The following AGFG1 variants were observed in gnomAD, a reference collection of about 807,000 sequenced individuals.
AGFG1 encodes ArfGAP with FG repeats 1, also known as arf-GAP domain and FG repeat-containing protein 1.
In AGFG1, 10 loss-of-function variants were observed where a neutral mutation model predicts 60.6. That is an observed-to-expected ratio of 0.16 (90% CI 0.10 to 0.28). The LOEUF is 0.28. AGFG1 is among the 10% of genes least tolerant of loss of function. The pLI is 1.00. For missense variants in AGFG1, 537 were observed against 676.5 expected (o/e 0.79, Z 2.29); for synonymous variants, 247 against 242.9 (o/e 1.02, Z -0.16).
rs1362619412 is a variant in AGFG1 at position 227,554,362 on chromosome 2, C to A, written c.1630-74C>A. The A allele has an allele frequency of 1.9e-5, 23 of 1,225,490 alleles. No individual in the cohort carries two copies. The Admixed American group carries it at 3.2e-4, about 17-fold the overall frequency. The allele number at this position is 1,225,490 out of a possible 1,614,324, so 75.9% of individuals were successfully genotyped here. A position where few individuals can be genotyped will look rare whatever the true frequency, so the allele number is the denominator to read the frequency against. ...AAAGTCTAATTAAAAAAATTAAATTCAGTTTAATGTTTTTATATTTTGTAC... is the reference window on the plus strand; with the variant it reads ...AAAGTCTAATTAAAAAAATTAAATTAAGTTTAATGTTTTTATATTTTGTAC... On this transcript the variant is annotated intron_variant, in intron 12 of 12. Transcript: ENST00000310078.
chr2:227,480,189 TAGAC>T (rs972863625), intron 1 of AGFG1, among the ~76,000 whole-genome samples: 42 of 152,180 alleles, frequency 2.8e-4, no homozygotes, highest in Non-Finnish European at 1.5e-5. Flanking sequence ...AAGAAAAGAT[TAGAC>T]AGTGGGGGAG....
Position 227,556,568 on chromosome 2 carries a change from T to G in AGFG1, c.*2073T>G, listed in dbSNP as rs188803132. ...TAGATTGTATCGGGTCCCAGTTGAT[T>G]CATGTGTACAAAGTTATGCTACCTA... On this transcript the variant is annotated 3_prime_UTR_variant, in exon 13 of 13. Transcript: ENST00000310078. 2 of 152,750 alleles carry G rather than the reference T, an allele frequency of 1.3e-5. No homozygotes were observed. Among genetic ancestry groups the G allele is most frequent in the Admixed American group, 6.5e-5 (1 of 15,308 alleles). The allele number at this position is 152,750 out of a possible 1,614,324, so 9.5% of individuals were successfully genotyped here.
chr2:227,543,804 G>A (rs1344341323), intron 10 of AGFG1, among the ~76,000 whole-genome samples: 2 of 151,590 alleles, frequency 1.3e-5, no homozygotes, highest in African/African-American at 4.9e-5. Context: ...CTCTTTGTAG[G>A]TCTCTAAGGA....
intron 1 of AGFG1, among the ~76,000 whole-genome samples, chr2:227,474,020 A>G (rs1690206753): frequency 6.6e-6 from 1 of 152,310 alleles, no homozygotes; most frequent in African/African-American, 2.4e-5. Context: ...GTTTGATAGG[A>G]GAGTGCTCAT....
intron 2 of AGFG1, among the ~76,000 whole-genome samples, chr2:227,495,060 A>G (rs1385474786): frequency 1.3e-5 from 2 of 152,210 alleles, no homozygotes; most frequent in Non-Finnish European, 2.9e-5. Flanking sequence ...ATAGACTTCT[A>G]CAGTGTGTTT....
intron 1 of AGFG1, among the ~76,000 whole-genome samples, chr2:227,478,885 C>CT (rs1163420165): frequency 1.3e-5 from 2 of 152,132 alleles, no homozygotes; most frequent in Admixed American, 6.5e-5. Flanking sequence ...ATCCTAGTGA[C>CT]TTGTTTTAGT....
rs1691764077 is a variant in AGFG1, at chr2:227,519,453, T to C, written c.262-495T>C. ...ATCTCAGATTCTCATTTTTTAGCTA[T>C]TGGACCAAAAATGCATAGGAGACAG... On this transcript the variant is annotated intron_variant, in intron 2 of 12. Coordinates refer to ENST00000310078, the MANE Select transcript of AGFG1 (RefSeq NM_004504.5). Among the ~76,000 whole-genome samples, 4 of 152,204 alleles carry C rather than the reference T, an allele frequency of 2.6e-5. No individual in the cohort carries two copies. In the South Asian group the frequency reaches 8.3e-4, roughly 32 times the overall value.
intron 3 of AGFG1, among the ~76,000 whole-genome samples, chr2:227,520,936 G>C (rs918663815): frequency 1.5e-4 from 23 of 152,178 alleles, no homozygotes; most frequent in Admixed American, 1.3e-4. Context: ...TTCAGAGCCT[G>C]TTTTGGTCCT....
At chr2:227,547,182 A>G (rs1345208371) in intron 10 of AGFG1, among the ~76,000 whole-genome samples, 1 of 152,232 alleles carries the variant, frequency 6.6e-6, no homozygotes, top group Non-Finnish European at 1.5e-5. Context: ...TAGTAGGCTC[A>G]CTTCACTTGC....
At chr2:227,494,758 T>C (rs1209867317) in intron 2 of AGFG1, among the ~76,000 whole-genome samples, 1 of 152,238 alleles carries the variant, frequency 6.6e-6, no homozygotes, top group Non-Finnish European at 1.5e-5. Flanking sequence ...TCTGTCTTAA[T>C]ACTTGCATTG....
intron 3 of AGFG1, 88 bp from the exon 4 acceptor site, chr2:227,523,675 C>G: frequency 7.7e-7 from 1 of 1,290,942 alleles, no homozygotes; most frequent in Non-Finnish European, 1.1e-6. Flanking sequence ...GTGAAACAAT[C>G]TTGTACAAAG....
chr2:227,478,307 T>A (rs1245484567), intron 1 of AGFG1, among the ~76,000 whole-genome samples: 2 of 150,722 alleles, frequency 1.3e-5, no homozygotes, highest in Non-Finnish European at 3.0e-5. Flanking sequence ...ATATATAATA[T>A]ATATATTTAG....
chr2:227,477,658 T>C (rs1690325665), intron 1 of AGFG1, among the ~76,000 whole-genome samples: 1 of 152,126 alleles, frequency 6.6e-6, no homozygotes, highest in Non-Finnish European at 1.5e-5. Flanking sequence ...CAGGCTGGAG[T>C]GCAGTGGTGC....
At chr2:227,529,863 A>AG (rs2106216259) in intron 5 of AGFG1, among the ~76,000 whole-genome samples, 1 of 152,020 alleles carries the variant, frequency 6.6e-6, no homozygotes, top group South Asian at 2.1e-4. Context: ...ATAGGGGTTT[A>AG]GGATACTAGA....
At chr2:227,522,423 T>A (rs942751621) in intron 3 of AGFG1, among the ~76,000 whole-genome samples, 1 of 152,242 alleles carries the variant, frequency 6.6e-6, no homozygotes, top group Non-Finnish European at 1.5e-5. Flanking sequence ...ATACATCTTT[T>A]ATCTCTCCCA....
At chr2:227,501,511 C>G (rs1691154990) in intron 2 of AGFG1, among the ~76,000 whole-genome samples, 1 of 152,152 alleles carries the variant, frequency 6.6e-6, no homozygotes, top group South Asian at 2.1e-4. Flanking sequence ...ATTTGGTAAT[C>G]CAAAGCCCTA....
chr2:227,532,645 T>C (rs1219311879), intron 6 of AGFG1, among the ~76,000 whole-genome samples: 1 of 152,194 alleles, frequency 6.6e-6, no homozygotes, highest in Non-Finnish European at 1.5e-5. Context: ...CATTCTGTTT[T>C]AAAATTATCT....
chr2:227,539,584 C>T (rs1482274636), intron 10 of AGFG1, among the ~76,000 whole-genome samples: 1 of 151,538 alleles, frequency 6.6e-6, no homozygotes, highest in Non-Finnish European at 1.5e-5. Flanking sequence ...TGGCGAACCC[C>T]GTTTCTACAA....
rs563500389 is a variant in AGFG1, at chr2:227,532,746, T to C, written c.815-803T>C. Among the ~76,000 whole-genome samples, 10 of 152,238 alleles carry C rather than the reference T, an allele frequency of 6.6e-5. No individual in the cohort carries two copies. In the South Asian group the frequency reaches 2.1e-3, roughly 32 times the overall value. On this transcript the variant is annotated intron_variant, in intron 6 of 12. Coordinates refer to ENST00000310078, the MANE Select transcript of AGFG1 (RefSeq NM_004504.5). ...AAAGTTTAGAAATAAAGAACTAATA[T>C]CCCAAAAATGTAGGATCAAAAGCAT...
Sources: gnomAD v4.1 joint callset for allele counts (sites outside exome capture counted in the v4.1 genomes callset) on GRCh38, gnomAD v4.1.1 for gene constraint, MANE v1.5 for transcripts, NCBI Gene and HGNC (gene_info 2026-07-23, HGNC 2026-07-21) for gene names.